Variants in ROBO1 observed in about 807,000 individuals in gnomAD.
ROBO1 encodes the protein roundabout guidance receptor 1, also known as roundabout homolog 1.
Under a neutral mutation model 195.9 loss-of-function variants are expected in ROBO1, and 149 were observed. The observed-to-expected ratio is 0.76, with a 90% CI of 0.67 to 0.87. The LOEUF is 0.87. Ranked by LOEUF, ROBO1 falls within the 40% of genes least tolerant of loss-of-function variation. The pLI is 0.00. For synonymous variants in ROBO1, 816 were observed against 733.2 expected (o/e 1.11, Z -1.82); for missense variants, 1,933 against 2,068.3 (o/e 0.93, Z 1.27).
At chr3:78,713,493 T>G (rs575151022) in intron 8 of ROBO1, among the ~76,000 whole-genome samples, 23 of 152,282 alleles carry the variant, frequency 1.5e-4, no homozygotes, top group Admixed American at 7.2e-4. Flanking sequence ...ACAGGAATTT[T>G]TTTTCCAACC....
chr3:79,070,373 T>G (rs2079068101), intron 3 of ROBO1, among the ~76,000 whole-genome samples: 1 of 151,958 alleles, frequency 6.6e-6, no homozygotes, highest in Non-Finnish European at 1.5e-5. Context: ...TTATTACAGT[T>G]CCTTCTGCAA....
intron 1 of ROBO1, among the ~76,000 whole-genome samples, chr3:79,707,383 T>TG (rs1255109249): frequency 3.3e-5 from 5 of 152,216 alleles, no homozygotes. Context: ...CTTGCCCATT[T>TG]TTTTTCTTAG....
intron 3 of ROBO1, among the ~76,000 whole-genome samples, chr3:79,032,389 G>T (rs1199617555): frequency 6.6e-6 from 1 of 151,752 alleles, no homozygotes; most frequent in African/African-American, 2.4e-5. Flanking sequence ...ATCATAAAAT[G>T]ATTTAAAAAT....
intron 26 of ROBO1, 118 bp from the exon 27 acceptor site, chr3:78,618,159 T>C: frequency 9.1e-7 from 1 of 1,104,480 alleles, no homozygotes; most frequent in Non-Finnish European, 1.3e-6. Context: ...TGAGCTCATA[T>C]GTTCAGAAAA....
At chr3:78,804,256 G>A (rs1267873031) in intron 4 of ROBO1, among the ~76,000 whole-genome samples, 2 of 152,012 alleles carry the variant, frequency 1.3e-5, no homozygotes, top group Non-Finnish European at 2.9e-5. Context: ...TATTAACTCC[G>A]TTCCAAATTT....
intron 1 of ROBO1, among the ~76,000 whole-genome samples, chr3:79,732,997 T>C (rs1267788424): frequency 1.3e-5 from 2 of 152,306 alleles, no homozygotes; most frequent in Non-Finnish European, 2.9e-5. Flanking sequence ...CAAATTATCA[T>C]CTATACCGCC....
chr3:79,084,956 C>T (rs1487549342), intron 3 of ROBO1, among the ~76,000 whole-genome samples: 3 of 151,896 alleles, frequency 2.0e-5, no homozygotes, highest in African/African-American at 7.3e-5. Context: ...TTAATTTAAA[C>T]AATATAAAAC....
intron 3 of ROBO1, among the ~76,000 whole-genome samples, chr3:78,960,172 A>G (rs1219686905): frequency 6.6e-6 from 1 of 152,098 alleles, no homozygotes; most frequent in Non-Finnish European, 1.5e-5. Context: ...GCAAAATCCC[A>G]TCTCTAAAAA....
chr3:79,454,527 T>C (rs75994046), intron 2 of ROBO1, among the ~76,000 whole-genome samples: 5,216 of 152,124 alleles, frequency 0.034, 203 homozygotes, highest in African/African-American at 0.098. Context: ...CACCTTCAAA[T>C]TTCTAGTGAT....
chr3:79,544,198 T>C (rs942392497), intron 2 of ROBO1, among the ~76,000 whole-genome samples: 4 of 152,008 alleles, frequency 2.6e-5, no homozygotes, highest in Non-Finnish European at 5.9e-5. Context: ...CAAGAGCATA[T>C]AAAGAGATGT....
intron 1 of ROBO1, among the ~76,000 whole-genome samples, chr3:79,690,219 G>T (rs1947259802): frequency 6.6e-6 from 1 of 151,868 alleles, no homozygotes; most frequent in Admixed American, 6.6e-5. Context: ...AAGATTTCCA[G>T]ATGTGATTAA....
At chr3:79,007,702 T>C (rs1048356935) in intron 3 of ROBO1, among the ~76,000 whole-genome samples, 19 of 152,370 alleles carry the variant, frequency 1.2e-4, no homozygotes, top group African/African-American at 4.3e-4. Context: ...TTTTTAAATA[T>C]GCAAACATTG....
intron 3 of ROBO1, among the ~76,000 whole-genome samples, chr3:78,985,220 A>G (rs2077079516): frequency 6.6e-6 from 1 of 152,074 alleles, no homozygotes; most frequent in African/African-American, 2.4e-5. Flanking sequence ...GGATCGCTTG[A>G]GCCCAAAAAG....
chr3:78,706,457 A>G (rs2081553915), intron 8 of ROBO1, among the ~76,000 whole-genome samples: 1 of 152,212 alleles, frequency 6.6e-6, no homozygotes, highest in African/African-American at 2.4e-5. Context: ...TAATATAATT[A>G]TAACTGTGTT....
chr3:79,249,793 GA>G (rs1481015981), intron 2 of ROBO1, among the ~76,000 whole-genome samples: 1 of 152,180 alleles, frequency 6.6e-6, no homozygotes, highest in African/African-American at 2.4e-5. Context: ...ACACAGTGTA[GA>G]AGAAAGAAGT....
chr3:79,376,362 C>G (rs374793988), intron 2 of ROBO1, among the ~76,000 whole-genome samples: 2 of 152,094 alleles, frequency 1.3e-5, no homozygotes, highest in African/African-American at 4.8e-5. Context: ...ATGAATAATT[C>G]TAATTCCATA....
intron 4 of ROBO1, among the ~76,000 whole-genome samples, chr3:78,799,011 T>C (rs534028952): frequency 3.3e-5 from 5 of 150,800 alleles, no homozygotes; most frequent in Non-Finnish European, 7.4e-5. Flanking sequence ...ATGAGAAGAA[T>C]CAGCTTGGAT....
chr3:78,785,106 A>G (rs777619414), intron 4 of ROBO1, among the ~76,000 whole-genome samples: 2 of 152,220 alleles, frequency 1.3e-5, no homozygotes, highest in Non-Finnish European at 2.9e-5. Context: ...GCTCAGATAC[A>G]TGACTGCCTA....
At chr3:78,854,159 G>T (rs955355986) in intron 4 of ROBO1, among the ~76,000 whole-genome samples, 1 of 151,394 alleles carries the variant, frequency 6.6e-6, no homozygotes. Context: ...TTAATCTGTG[G>T]GCATGCCCTG....
Sources: gnomAD v4.1 joint callset for allele counts (sites outside exome capture counted in the v4.1 genomes callset) on GRCh38, gnomAD v4.1.1 for gene constraint, MANE v1.5 for transcripts, NCBI Gene and HGNC (gene_info 2026-07-23, HGNC 2026-07-21) for gene names.